The following SLC26A8 variants were observed in gnomAD, a reference collection of about 807,000 sequenced individuals.
SLC26A8 encodes solute carrier family 26 member 8.
Under a neutral mutation model 105.0 loss-of-function variants are expected in SLC26A8, and 70 were observed. The observed-to-expected ratio is 0.67, with a 90% CI of 0.55 to 0.81. The LOEUF (loss-of-function observed/expected upper bound fraction) is 0.81. SLC26A8 is among the 40% of genes least tolerant of loss of function. SLC26A8 has a pLI of 0.00. For missense variants in SLC26A8, 998 were observed against 1,181.8 expected (o/e 0.84, Z 2.28); for synonymous variants, 415 against 438.3 (o/e 0.95, Z 0.66).
At chr6:36,015,986 G>T (rs1023415097) in intron 2 of SLC26A8, among the ~76,000 whole-genome samples, 1 of 151,768 alleles carries the variant, frequency 6.6e-6, no homozygotes, top group African/African-American at 2.4e-5. Context: ...GGTCACAAAG[G>T]ATTCTTTGTT....
chr6:36,013,685 G>T (rs1216455323), intron 2 of SLC26A8, among the ~76,000 whole-genome samples: 1 of 152,088 alleles, frequency 6.6e-6, no homozygotes, highest in Non-Finnish European at 1.5e-5. Context: ...GTTTTAAATT[G>T]TTTTTCATTA....
At chr6:35,987,229 T>A (rs534253209) in intron 7 of SLC26A8, among the ~76,000 whole-genome samples, 3 of 152,336 alleles carry the variant, frequency 2.0e-5, no homozygotes, top group Admixed American at 2.0e-4. Flanking sequence ...GCTGTGGCAA[T>A]GTACAAGCCA....
chr6:35,953,777 G>A (rs1212167223), intron 17 of SLC26A8, among the ~76,000 whole-genome samples: 2 of 152,106 alleles, frequency 1.3e-5, no homozygotes, highest in African/African-American at 4.8e-5. Context: ...AACTTGCCTC[G>A]GGTCAGAAGG....
At chr6:35,952,258 A>C (rs1771905809) in intron 17 of SLC26A8, among the ~76,000 whole-genome samples, 1 of 152,196 alleles carries the variant, frequency 6.6e-6, no homozygotes, top group Non-Finnish European at 1.5e-5. Context: ...CAGAGGAAGC[A>C]AGATGTGGCT....
chr6:36,017,977 G>A (rs574954649), intron 2 of SLC26A8, among the ~76,000 whole-genome samples: 3 of 152,208 alleles, frequency 2.0e-5, no homozygotes, highest in Admixed American at 6.5e-5. Context: ...AAAAAACCAC[G>A]ATGAGATATC....
intron 7 of SLC26A8, among the ~76,000 whole-genome samples, chr6:35,984,565 C>T (rs1478783087): frequency 6.6e-6 from 1 of 152,012 alleles, no homozygotes; most frequent in Non-Finnish European, 1.5e-5. Flanking sequence ...CTCGAGCAAT[C>T]CACCTGCCTC....
chr6:36,001,163 C>G (rs944131572), intron 3 of SLC26A8, among the ~76,000 whole-genome samples: 5 of 151,844 alleles, frequency 3.3e-5, no homozygotes, highest in African/African-American at 9.7e-5. Context: ...GAGTCTTGCT[C>G]TGTTGCCCAG....
intron 17 of SLC26A8, chr6:35,954,780 A>C: frequency 4.3e-6 from 1 of 235,220 alleles, no homozygotes; most frequent in Non-Finnish European, 8.4e-6. Flanking sequence ...CCCCGTCTCT[A>C]CCAAAAATAC....
chr6:35,988,006 G>A (rs1471076555), intron 7 of SLC26A8, among the ~76,000 whole-genome samples: 2 of 151,554 alleles, frequency 1.3e-5, no homozygotes, highest in East Asian at 2.0e-4. Context: ...CCGCCTCCCG[G>A]GTTAAGTGAT....
intron 5 of SLC26A8, 142 bp downstream of exon 5, chr6:35,997,594 TCA>T: frequency 1.3e-6 from 1 of 787,734 alleles, no homozygotes; most frequent in Non-Finnish European, 1.9e-6. Context: ...GACACGCTAT[TCA>T]CACAGCCTCT....
intron 3 of SLC26A8, among the ~76,000 whole-genome samples, chr6:36,007,062 C>T (rs1761708617): frequency 6.6e-6 from 1 of 152,164 alleles, no homozygotes; most frequent in Non-Finnish European, 1.5e-5. Flanking sequence ...TGCTTTCCCC[C>T]TATGTTCAGG....
Position 36,000,045 on chromosome 6 carries a change from A to G in SLC26A8, c.392T>C (p.Phe131Ser). ...IPPLNIAYAA[F>S]CSSVIYVIFG... ...AATTACATAGATTACCGAAGAACAG[A>G]AAGCTGCATAAGCGATGTTGAGAGG... The change falls in exon 4 of 20, where the codon TTC becomes TCC. Residue 131 changes from phenylalanine (F) to serine (S), a missense_variant. By Grantham distance (155) the Phe-to-Ser change is radical. Coordinates refer to ENST00000490799, the MANE Select transcript of SLC26A8 (RefSeq NM_052961.4). 6.2e-7 allele frequency: 1 copy of G among 1,614,182 alleles called. No homozygotes were observed. Among genetic ancestry groups the G allele is most frequent in the Non-Finnish European group, 8.5e-7 (1 of 1,180,022 alleles).
At chr6:35,961,673 A>G (rs973440060) in intron 12 of SLC26A8, among the ~76,000 whole-genome samples, 12 of 152,330 alleles carry the variant, frequency 7.9e-5, no homozygotes, top group Non-Finnish European at 1.6e-4. Flanking sequence ...CTATCTGTGC[A>G]GTGGACCCGT....
At chr6:35,965,676 C>G (rs1772481975) in intron 11 of SLC26A8, among the ~76,000 whole-genome samples, 1 of 133,282 alleles carries the variant, frequency 7.5e-6, no homozygotes, top group Non-Finnish European at 1.6e-5. Context: ...GAGCGAAACT[C>G]CATCTCAAAA....
chr6:35,972,132 TA>T (rs1222055231), intron 10 of SLC26A8, among the ~76,000 whole-genome samples: 2 of 152,192 alleles, frequency 1.3e-5, no homozygotes, highest in African/African-American at 4.8e-5. Context: ...AGTTTGCATC[TA>T]TGCCAGATAA....
Position 35,955,518 on chromosome 6 carries a change from A to C in SLC26A8, c.1866T>G (p.Ile622Met), listed in dbSNP as rs1772027973. ...NCDDLEPLPR[I>M]LYTERFENKL... Reference sequence around the variant, plus strand: ...TATTTTCAAATCGCTCTGTGTAAAGAATCTGGGACGACAGAGTTAAGGGAG... The same window carrying C: ...TATTTTCAAATCGCTCTGTGTAAAGCATCTGGGACGACAGAGTTAAGGGAG... Residue 622 changes from isoleucine (I) to methionine (M), a missense_variant and splice_region_variant, in exon 17 of 20, where the codon ATT (isoleucine) becomes ATG (methionine). Ile to Met is a conservative substitution (Grantham distance 10). Coordinates refer to ENST00000490799, the MANE Select transcript of SLC26A8 (RefSeq NM_052961.4). 1 of 1,613,422 alleles carries C rather than the reference A, an allele frequency of 6.2e-7. No individual in the cohort carries two copies.
intron 14 of SLC26A8, 54 bp downstream of exon 14, chr6:35,960,789 G>A: frequency 1.3e-6 from 2 of 1,539,390 alleles, no homozygotes; most frequent in Non-Finnish European, 1.8e-6. Flanking sequence ...TAAGCATGAG[G>A]TGGGGCCCAC....
chr6:35,990,715 A>G (rs909120716), intron 7 of SLC26A8, among the ~76,000 whole-genome samples: 4 of 152,206 alleles, frequency 2.6e-5, no homozygotes, highest in Non-Finnish European at 4.4e-5. Context: ...ATTCACCAAC[A>G]TTGAGGCTAG....
At chr6:35,989,786 C>G (rs1322976959) in intron 7 of SLC26A8, 1 of 152,158 alleles carries the variant, frequency 6.6e-6, no homozygotes, top group East Asian at 1.9e-4. Flanking sequence ...GCTGGTATAT[C>G]TGTATTTCTT....
Sources: allele counts gnomAD v4.1 joint callset (sites outside exome capture counted in the v4.1 genomes callset), GRCh38; gene constraint gnomAD v4.1.1; transcripts MANE v1.5; gene names NCBI Gene and HGNC (gene_info 2026-07-23, HGNC 2026-07-21).